Variants in ANGPT1 observed in about 807,000 individuals in gnomAD.
ANGPT1 encodes angiopoietin 1.
A neutral mutation model predicts 62.2 loss-of-function variants in ANGPT1; 17 were observed. The observed-to-expected ratio is 0.27, with a 90% CI of 0.19 to 0.41. ANGPT1 has a LOEUF of 0.41. Among genes scored for constraint, ANGPT1 ranks in the 10% least tolerant of loss-of-function variants. ANGPT1 has a pLI of 1.00. For synonymous variants in ANGPT1, 199 were observed against 198.9 expected (o/e 1.00, Z 0.00); for missense variants, 478 against 594.9 (o/e 0.80, Z 2.04).
rs1413600826 is a variant in ANGPT1, at chr8:107,346,784, G to A, written c.453+158C>T. 2.0e-5 allele frequency among the ~76,000 whole-genome samples: 3 copies of A among 152,034 alleles called. No individual in the cohort carries two copies. In the East Asian group the frequency reaches 5.8e-4, roughly 29 times the overall value. ...ACCCTCATTAGATCAAAAAAAACAC[G>A]CATAGCATGTCAGGCAGTCATTGTT... On this transcript the variant is annotated intron_variant, in intron 2 of 8. Coordinates refer to ENST00000517746, the MANE Select transcript of ANGPT1 (RefSeq NM_001146.5).
At chr8:107,311,020 AGT>A (rs1419058917) in intron 4 of ANGPT1, among the ~76,000 whole-genome samples, 2 of 149,198 alleles carry the variant, frequency 1.3e-5, no homozygotes, top group Admixed American at 6.7e-5. Flanking sequence ...TATGTATGTG[AGT>A]GTGTGTGAGT....
intron 1 of ANGPT1, among the ~76,000 whole-genome samples, chr8:107,429,330 T>G (rs1332570798): frequency 6.6e-6 from 1 of 152,172 alleles, no homozygotes; most frequent in Non-Finnish European, 1.5e-5. Context: ...GGGGAGGCTC[T>G]CCAATCACCA....
intron 3 of ANGPT1, among the ~76,000 whole-genome samples, chr8:107,331,435 A>G (rs1020885814): frequency 1.3e-5 from 2 of 152,178 alleles, no homozygotes; most frequent in Non-Finnish European, 2.9e-5. Flanking sequence ...CCTTTCTTCA[A>G]ATGAATATTT....
At chr8:107,307,625 T>C (rs529000449) in intron 4 of ANGPT1, among the ~76,000 whole-genome samples, 1 of 152,088 alleles carries the variant, frequency 6.6e-6, no homozygotes, top group Non-Finnish European at 1.5e-5. Context: ...TCTCCAATTG[T>C]TTTTTCTCTT....
chr8:107,449,413 CA>C, intron 1 of ANGPT1, among the ~76,000 whole-genome samples: 1 of 151,386 alleles, frequency 6.6e-6, no homozygotes, highest in Non-Finnish European at 1.5e-5. Flanking sequence ...CACACACACA[CA>C]CACACACACA....
In ANGPT1 at chr8:107,330,250, A is replaced by G. The variant is rs145556846; in HGVS notation, c.575+5900T>C. Among the ~76,000 whole-genome samples the G allele has an allele frequency of 6.0e-4, 92 of 152,274 alleles. No individual in the cohort carries two copies. The East Asian group carries it at 6.8e-3, about 11-fold the overall frequency. On this transcript the variant is annotated intron_variant, in intron 3 of 8. Coordinates refer to ENST00000517746, the MANE Select transcript of ANGPT1 (RefSeq NM_001146.5). ...CATCTTAACTTCATACAGTACAATT[A>G]TTGTCATTGTTATGTTACAAATTAG... is the stretch of plus-strand genomic sequence containing the variant.
At chr8:107,462,528 G>A (rs903104408) in intron 1 of ANGPT1, among the ~76,000 whole-genome samples, 4 of 151,906 alleles carry the variant, frequency 2.6e-5, no homozygotes, top group Non-Finnish European at 5.9e-5. Context: ...TGAGGTTGCT[G>A]GCACACATAC....
intron 1 of ANGPT1, among the ~76,000 whole-genome samples, chr8:107,495,541 A>T (rs1444982793): frequency 6.6e-6 from 1 of 152,210 alleles, no homozygotes; most frequent in Non-Finnish European, 1.5e-5. Context: ...CACTATTGTG[A>T]TTATACGCTT....
chr8:107,276,103 C>G (rs1586179447), intron 7 of ANGPT1, among the ~76,000 whole-genome samples: 2 of 152,058 alleles, frequency 1.3e-5, no homozygotes, highest in African/African-American at 4.8e-5. Flanking sequence ...ACCCAGGAAG[C>G]CTTTTTTGTC....
Position 107,497,409 on chromosome 8 carries a change from G to A in ANGPT1, c.150C>T (p.His50=). The change falls in exon 1 of 9, where the codon CAC becomes CAT. Residue 50 remains histidine, a synonymous_variant. Coordinates refer to ENST00000517746, the MANE Select transcript of ANGPT1 (RefSeq NM_001146.5). ...QCAYTFILPE[H]DGNCRESTTD... is the part of the protein sequence containing the mutation. The stretch of plus-strand genomic sequence containing the variant: ...TCGTACTCTCACGACAGTTGCCATC[G>A]TGTTCTGGAAGAATGAAAGTGTAGG... The A allele has an allele frequency of 6.2e-7, 1 of 1,614,192 alleles. No individual in the cohort carries two copies. The highest frequency in any genetic ancestry group is 1.3e-5 in the African/African-American group (1 of 75,064).
At position 107,465,352 on chromosome 8, in the gene ANGPT1, T is replaced by C. The variant is rs569021455; in HGVS notation, c.297+31910A>G. ...GGATGCTTTTTGGCTCTTCCAGGTC[T>C]GGAAATGTTGTTACCTTGTCATAAT... is the stretch of plus-strand genomic sequence containing the variant. On this transcript the variant is annotated intron_variant, in intron 1 of 8. Transcript: ENST00000517746. Among the ~76,000 whole-genome samples, 3 of 152,306 alleles carry C rather than the reference T, an allele frequency of 2.0e-5. No individual in the cohort carries two copies. In the East Asian group the frequency reaches 5.8e-4, roughly 29 times the overall value.
At chr8:107,311,067 G>A (rs1814849329) in intron 4 of ANGPT1, among the ~76,000 whole-genome samples, 1 of 151,420 alleles carries the variant, frequency 6.6e-6, no homozygotes, top group South Asian at 2.1e-4. Flanking sequence ...CAGGCATGGA[G>A]ACAAGAAATT....
chr8:107,306,377 C>T (rs1002446984), intron 4 of ANGPT1, among the ~76,000 whole-genome samples: 1 of 152,090 alleles, frequency 6.6e-6, no homozygotes, highest in South Asian at 2.1e-4. Flanking sequence ...AACCCCAAAA[C>T]AGGCAATCTC....
At chr8:107,444,657 T>C (rs1257629606) in intron 1 of ANGPT1, among the ~76,000 whole-genome samples, 1 of 152,170 alleles carries the variant, frequency 6.6e-6, no homozygotes, top group Non-Finnish European at 1.5e-5. Flanking sequence ...AGACTCTGCT[T>C]ATGTGGGGTT....
intron 1 of ANGPT1, among the ~76,000 whole-genome samples, chr8:107,459,673 G>A (rs1812016359): frequency 6.6e-6 from 1 of 152,108 alleles, no homozygotes; most frequent in Non-Finnish European, 1.5e-5. Context: ...GCCAATATAA[G>A]CTTTAGACTT....
At chr8:107,311,205 A>T (rs1208783187) in intron 4 of ANGPT1, among the ~76,000 whole-genome samples, 2 of 151,930 alleles carry the variant, frequency 1.3e-5, no homozygotes, top group African/African-American at 4.8e-5. Context: ...TTTAAAAAGT[A>T]GGCAAAACTA....
intron 1 of ANGPT1, among the ~76,000 whole-genome samples, chr8:107,361,176 T>C (rs1816153443): frequency 2.0e-5 from 3 of 152,096 alleles, no homozygotes. Context: ...TTAGAGCATA[T>C]TCTCATAGAA....
intron 1 of ANGPT1, among the ~76,000 whole-genome samples, chr8:107,463,300 C>T (rs553618418): frequency 6.6e-6 from 1 of 152,182 alleles, no homozygotes; most frequent in South Asian, 2.1e-4. Context: ...GAGGCCTCCA[C>T]CCCTAACTAA....
At chr8:107,258,659 T>C (rs1213410701) in intron 8 of ANGPT1, among the ~76,000 whole-genome samples, 1 of 152,178 alleles carries the variant, frequency 6.6e-6, no homozygotes, top group African/African-American at 2.4e-5. Flanking sequence ...ATCTTAAACT[T>C]TGCATTTTAG....
Sources: allele counts gnomAD v4.1 joint callset (sites outside exome capture counted in the v4.1 genomes callset), GRCh38; gene constraint gnomAD v4.1.1; transcripts MANE v1.5; gene names NCBI Gene and HGNC (gene_info 2026-07-23, HGNC 2026-07-21).